Variants in AUTS2 observed in about 807,000 individuals in gnomAD.
AUTS2 encodes the protein activator of transcription and developmental regulator AUTS2.
AUTS2 carries 17 observed loss-of-function variants against 112.4 expected under a neutral mutation model. The ratio of observed to expected loss-of-function variants is 0.15; its 90% CI spans 0.10 to 0.23. The LOEUF (loss-of-function observed/expected upper bound fraction) is 0.23. AUTS2 is among the 10% of genes least tolerant of loss of function. AUTS2 has a pLI of 1.00. For missense variants in AUTS2, 1,510 were observed against 1,701.6 expected, an observed-to-expected ratio of 0.89 and a Z score of 1.98; for synonymous variants, 751 against 702.7, an observed-to-expected ratio of 1.07 and a Z score of -1.09.
intron 1 of AUTS2, among the ~76,000 whole-genome samples, chr7:69,779,164 C>T (rs1789034471): frequency 6.7e-6 from 1 of 149,000 alleles, no homozygotes; most frequent in African/African-American, 2.5e-5. Context: ...GCTGGGATTA[C>T]AGGTGTGAGC....
intron 5 of AUTS2, among the ~76,000 whole-genome samples, chr7:70,645,424 T>A (rs1806104055): frequency 6.6e-6 from 1 of 152,086 alleles, no homozygotes; most frequent in Non-Finnish European, 1.5e-5. Flanking sequence ...CACCAGCCAC[T>A]GAACTCTCTC....
At chr7:70,463,481 A>G (rs1275732400) in intron 5 of AUTS2, among the ~76,000 whole-genome samples, 2 of 152,204 alleles carry the variant, frequency 1.3e-5, no homozygotes, top group Non-Finnish European at 2.9e-5. Context: ...ATTTAGAATA[A>G]CCTTGCCAGC....
At chr7:70,258,077 C>T (rs925430945) in intron 4 of AUTS2, among the ~76,000 whole-genome samples, 2 of 152,184 alleles carry the variant, frequency 1.3e-5, no homozygotes, top group Non-Finnish European at 2.9e-5. Context: ...ACATATTCTG[C>T]TCTAATTTGA....
At position 69,832,526 on chromosome 7, in the gene AUTS2, C is replaced by G. The variant is rs963570766; in HGVS notation, c.310-66760C>G. 3.3e-5 allele frequency among the ~76,000 whole-genome samples: 5 copies of G among 152,172 alleles called. 1 individual carries two copies. The highest frequency in any genetic ancestry group is 4.1e-4 in the South Asian group (2 of 4,830). On this transcript the variant is annotated intron_variant, in intron 1 of 18. Transcript: ENST00000342771. ...TTACAGACTCCCCTGCTTCTCTCTC[C>G]CATGGGTCAACTGGTGTTGAATAAC...
At chr7:69,972,739 T>G (rs1388720189) in intron 2 of AUTS2, among the ~76,000 whole-genome samples, 1 of 151,824 alleles carries the variant, frequency 6.6e-6, no homozygotes, top group African/African-American at 2.4e-5. Flanking sequence ...TAGCACCACT[T>G]ATGGAAAAGA....
At chr7:70,300,200 G>A (rs914901034) in intron 4 of AUTS2, among the ~76,000 whole-genome samples, 6 of 152,080 alleles carry the variant, frequency 3.9e-5, no homozygotes, top group Non-Finnish European at 8.8e-5. Context: ...CTTAGGCCAC[G>A]CATAAAATAC....
chr7:70,421,912 G>T (rs1381035876), intron 4 of AUTS2, among the ~76,000 whole-genome samples: 1 of 152,164 alleles, frequency 6.6e-6, no homozygotes, highest in Non-Finnish European at 1.5e-5. Flanking sequence ...TTGGCAATTT[G>T]TATTTTCTTG....
intron 1 of AUTS2, among the ~76,000 whole-genome samples, chr7:69,652,961 G>A (rs561536524): frequency 6.6e-6 from 1 of 152,146 alleles, no homozygotes. Context: ...AATGAGGTTC[G>A]TAGTGCTTTA....
At chr7:70,506,535 C>T (rs1798969058) in intron 5 of AUTS2, among the ~76,000 whole-genome samples, 1 of 152,198 alleles carries the variant, frequency 6.6e-6, no homozygotes, top group Admixed American at 6.5e-5. Flanking sequence ...TGTGTTGCAT[C>T]CCACTCTCCA....
chr7:70,444,343 C>CGTGTGTGTGTGT (rs370735846), intron 5 of AUTS2, among the ~76,000 whole-genome samples: 147 of 138,760 alleles, frequency 1.1e-3, no homozygotes, highest in East Asian at 2.7e-3. Flanking sequence ...TGGTCATGTA[C>CGTGTGTGTGTGT]GTGTGTGTGT....
intron 4 of AUTS2, among the ~76,000 whole-genome samples, chr7:70,222,948 C>T (rs540058419): frequency 5.4e-5 from 8 of 147,486 alleles, no homozygotes; most frequent in Admixed American, 6.9e-5. Context: ...AGTGCAATGG[C>T]GTGATCTCAG....
At chr7:70,661,611 G>C (rs546873030) in intron 5 of AUTS2, among the ~76,000 whole-genome samples, 16 of 152,220 alleles carry the variant, frequency 1.1e-4, no homozygotes, top group Non-Finnish European at 1.9e-4. Context: ...AACCAAATGA[G>C]ACAGTACTTT....
chr7:70,583,760 C>A (rs1397008192), intron 5 of AUTS2, among the ~76,000 whole-genome samples: 1 of 152,206 alleles, frequency 6.6e-6, no homozygotes, highest in Non-Finnish European at 1.5e-5. Context: ...TCTGGGCGAG[C>A]CTTTCTTTGT....
chr7:70,302,906 CTTT>C (rs61466921), intron 4 of AUTS2, among the ~76,000 whole-genome samples: 11 of 127,858 alleles, frequency 8.6e-5, no homozygotes, highest in Admixed American at 2.4e-4. Context: ...GAAAGATCTT[CTTT>C]TTTTTTTTTT....
At chr7:70,234,861 C>T (rs372024848) in intron 4 of AUTS2, among the ~76,000 whole-genome samples, 2 of 152,068 alleles carry the variant, frequency 1.3e-5, no homozygotes, top group East Asian at 3.9e-4. Context: ...AAAACAGAGG[C>T]AGAGGCTGGA....
chr7:69,738,788 G>A (rs1442601683), intron 1 of AUTS2, among the ~76,000 whole-genome samples: 4 of 152,050 alleles, frequency 2.6e-5, no homozygotes, highest in African/African-American at 4.8e-5. Flanking sequence ...CTACTCTAAC[G>A]GTTTTTTTTC....
intron 2 of AUTS2, among the ~76,000 whole-genome samples, chr7:70,063,733 TGAAAA>T (rs1297647399): frequency 2.0e-5 from 3 of 152,152 alleles, no homozygotes; most frequent in Admixed American, 1.3e-4. Flanking sequence ...TTTGTAAACT[TGAAAA>T]GAACACCGCG....
chr7:70,592,430 C>G (rs999906804), intron 5 of AUTS2, among the ~76,000 whole-genome samples: 1 of 152,038 alleles, frequency 6.6e-6, no homozygotes, highest in African/African-American at 2.4e-5. Flanking sequence ...GTTGCACAAT[C>G]TCAGCTCACT....
chr7:70,480,094 A>T (rs1483408889), intron 5 of AUTS2, among the ~76,000 whole-genome samples: 1 of 152,224 alleles, frequency 6.6e-6, no homozygotes, highest in African/African-American at 2.4e-5. Context: ...AACAGGCCAG[A>T]TTATCTTGGC....
Sources: gnomAD v4.1 joint callset for allele counts (sites outside exome capture counted in the v4.1 genomes callset) on GRCh38, gnomAD v4.1.1 for gene constraint, MANE v1.5 for transcripts, NCBI Gene and HGNC (gene_info 2026-07-23, HGNC 2026-07-21) for gene names.